The following ATAD2B variants were observed in gnomAD, a reference collection of about 807,000 sequenced individuals.
ATAD2B encodes the protein ATPase family AAA domain-containing protein 2B.
In ATAD2B, 40 loss-of-function variants were observed where a neutral mutation model predicts 167.6. The ratio of observed to expected loss-of-function variants is 0.24; its 90% CI spans 0.19 to 0.31. The LOEUF is 0.31. ATAD2B is among the 10% of genes least tolerant of loss of function. ATAD2B has a pLI of 1.00. For synonymous variants in ATAD2B, 579 were observed against 596.5 expected (o/e 0.97, Z 0.43); for missense variants, 1,242 against 1,757.2 (o/e 0.71, Z 5.24).
chr2:23,885,726 C>A lies in ATAD2B; in HGVS notation c.675+1G>T. On this transcript the variant is annotated splice_donor_variant, in intron 5 of 27. Coordinates refer to ENST00000238789, the MANE Select transcript of ATAD2B (RefSeq NM_017552.4). LOFTEE classifies it high-confidence loss of function. ...AAGATTGCTACAGCTAATATACTCA[C>A]AAATTCTGTATCTGTCCACATTCGA... 1.3e-6 allele frequency: 2 copies of A among 1,556,614 alleles called. No individual in the cohort carries two copies. The highest frequency in any genetic ancestry group is 1.8e-5 in the Admixed American group (1 of 54,474).
Position 23,754,649 on chromosome 2 carries a change from T to C in ATAD2B, c.4204A>G (p.Lys1402Glu). ...TGACTGGGAATAGCTAAGCTTACCT[T>C]CAATCTCTCACGATCAACTATAAGA... is the stretch of plus-strand genomic sequence containing the variant. The part of the protein sequence containing the change: ...PPLIVDRERL[K>E]KLLDLLVDKS... Residue 1402 changes from lysine to glutamate, a missense_variant and splice_region_variant, in exon 26 of 28, where the codon AAG becomes GAG. Around this residue, in one of 9 missense-constraint regions of ATAD2B, gnomAD observed 282 missense variants for 346.8 expected, o/e 0.81. Transcript: ENST00000238789. The C allele has an allele frequency of 1.2e-6, 2 of 1,611,708 alleles. No homozygotes were observed. The highest frequency in any genetic ancestry group is 1.1e-5 in the South Asian group (1 of 90,634).
intron 1 of ATAD2B, among the ~76,000 whole-genome samples, chr2:23,900,175 G>A (rs764458490): frequency 1.3e-5 from 2 of 151,452 alleles, no homozygotes; most frequent in African/African-American, 2.4e-5. Flanking sequence ...CTCGGCCTCC[G>A]AAAGTGCTGG....
intron 13 of ATAD2B, among the ~76,000 whole-genome samples, chr2:23,842,795 C>T (rs1296676461): frequency 6.6e-6 from 1 of 152,098 alleles, no homozygotes; most frequent in Non-Finnish European, 1.5e-5. Context: ...TAGCTAAAGA[C>T]AAAAGGTTTG....
At chr2:23,723,853 G>A in the ATAD2B span, among the ~76,000 whole-genome samples, 9 of 152,256 alleles carry the variant, frequency 5.9e-5, 1 homozygote, top group African/African-American at 2.2e-4. Context: ...CCAAGATACA[G>A]AATCAGATAC....
chr2:23,717,059 A>G, the ATAD2B span, among the ~76,000 whole-genome samples: 72 of 152,362 alleles, frequency 4.7e-4, no homozygotes, highest in Non-Finnish European at 9.3e-4. Flanking sequence ...CCCATTAAAA[A>G]CAGAGAAACC....
chr2:23,688,873 C>T, the ATAD2B span: 5 of 152,494 alleles, frequency 3.3e-5, no homozygotes, highest in Middle Eastern at 0.01. Context: ...AGAACAGCCA[C>T]CTGTGGAGGA....
chr2:23,711,585 G>A, the ATAD2B span, among the ~76,000 whole-genome samples: 1 of 151,668 alleles, frequency 6.6e-6, no homozygotes, highest in East Asian at 1.9e-4. Context: ...TGGCCAGGCT[G>A]GTCTCGAATT....
chr2:23,744,983 T>G (rs1026110569), downstream of ATAD2B, among the ~76,000 whole-genome samples: 6 of 152,236 alleles, frequency 3.9e-5, no homozygotes, highest in East Asian at 1.2e-3. Flanking sequence ...TTTAAAAATG[T>G]TTATTCCTAG....
the ATAD2B span, among the ~76,000 whole-genome samples, chr2:23,700,805 C>T: frequency 6.6e-6 from 1 of 152,186 alleles, no homozygotes; most frequent in Non-Finnish European, 1.5e-5. This position sits in a 1 kb window ranked among gnomAD's most constrained non-coding sequence, Gnocchi z 4.6. Flanking sequence ...CTGGAGATTC[C>T]ATCCTCCATC....
At chr2:23,913,514 C>G (rs2150569585) in intron 1 of ATAD2B, among the ~76,000 whole-genome samples, 1 of 152,112 alleles carries the variant, frequency 6.6e-6, no homozygotes, top group South Asian at 2.1e-4. Flanking sequence ...GGTGCACATG[C>G]CTGTAATCCC....
At chr2:23,833,609 T>C (rs554304157) in intron 14 of ATAD2B, among the ~76,000 whole-genome samples, 1 of 152,300 alleles carries the variant, frequency 6.6e-6, no homozygotes, top group African/African-American at 2.4e-5. Context: ...ATAAAGTTAC[T>C]TTGGCTAACT....
At chr2:23,892,364 C>T (rs779441730) in intron 2 of ATAD2B, among the ~76,000 whole-genome samples, 1 of 152,112 alleles carries the variant, frequency 6.6e-6, no homozygotes, top group Non-Finnish European at 1.5e-5. Flanking sequence ...CGGGGTTTCA[C>T]CGTGTTAGCC....
the ATAD2B span, among the ~76,000 whole-genome samples, chr2:23,720,345 G>A: frequency 2.0e-5 from 3 of 152,084 alleles, no homozygotes; most frequent in Admixed American, 2.0e-4. Context: ...AGGCTGAGGA[G>A]AGTGGATCAG....
chr2:23,843,006 CAAGAG>C (rs1442234568), intron 13 of ATAD2B, among the ~76,000 whole-genome samples: 4 of 152,090 alleles, frequency 2.6e-5, no homozygotes, highest in Non-Finnish European at 5.9e-5. Flanking sequence ...AACACATTCT[CAAGAG>C]AAAAGAAAAC....
chr2:23,680,648 T>A, the ATAD2B span, among the ~76,000 whole-genome samples: 8 of 151,408 alleles, frequency 5.3e-5, no homozygotes, highest in Non-Finnish European at 1.0e-4. This position sits in a 1 kb window ranked among gnomAD's most constrained non-coding sequence, Gnocchi z 4.1. Flanking sequence ...TCTCCTGGGG[T>A]CTCTAGGCCA....
At chr2:23,728,411 C>T in the ATAD2B span, among the ~76,000 whole-genome samples, 1 of 152,136 alleles carries the variant, frequency 6.6e-6, no homozygotes. Context: ...GGGGCACTGA[C>T]ACTTCTCTGG....
intron 18 of ATAD2B, among the ~76,000 whole-genome samples, chr2:23,800,917 T>C (rs1683397746): frequency 6.6e-6 from 1 of 152,110 alleles, no homozygotes; most frequent in Non-Finnish European, 1.5e-5. Context: ...TTCTGATCTA[T>C]GAGTGTATAA....
chr2:23,834,933 G>A (rs1689687237), intron 13 of ATAD2B, among the ~76,000 whole-genome samples: 2 of 152,202 alleles, frequency 1.3e-5, no homozygotes, highest in South Asian at 4.2e-4. Flanking sequence ...AATTTGTATA[G>A]ACATTTCTCC....
At chr2:23,826,306 T>C (rs1210024189) in intron 15 of ATAD2B, among the ~76,000 whole-genome samples, 1 of 152,210 alleles carries the variant, frequency 6.6e-6, no homozygotes, top group Non-Finnish European at 1.5e-5. Flanking sequence ...TAACCACATG[T>C]GCTGGTTAGG....
Sources: gnomAD v4.1 joint callset for allele counts (sites outside exome capture counted in the v4.1 genomes callset) on GRCh38, gnomAD v4.1.1 for gene constraint, gnomAD v4.1.1 regional missense constraint, Gnocchi (gnomAD v3.1) non-coding constraint, MANE v1.5 for transcripts, NCBI Gene and HGNC (gene_info 2026-07-23, HGNC 2026-07-21) for gene names.